Variants in SKAP1 observed in about 807,000 individuals in gnomAD.
SKAP1 encodes the protein src kinase-associated phosphoprotein 1.
Under a neutral mutation model 58.5 loss-of-function variants are expected in SKAP1, and 44 were observed. The ratio of observed to expected loss-of-function variants is 0.75; its 90% confidence interval spans 0.59 to 0.97. The LOEUF (loss-of-function observed/expected upper bound fraction) is 0.97. SKAP1 is among the 50% of genes least tolerant of loss of function. SKAP1 has a pLI of 0.00. For synonymous variants in SKAP1, 127 were observed against 149.7 expected, an observed-to-expected ratio of 0.85 and a Z score of 1.11; for missense variants, 390 against 435.2, an observed-to-expected ratio of 0.90 and a Z score of 0.92.
chr17:48,202,389 T>G (rs2064739769), intron 4 of SKAP1, among the ~76,000 whole-genome samples: 1 of 152,028 alleles, frequency 6.6e-6, no homozygotes, highest in African/African-American at 2.4e-5. Context: ...ATGTATTATC[T>G]CCTGGTCAAA....
At chr17:48,292,302 T>C (rs1353319341) in intron 4 of SKAP1, among the ~76,000 whole-genome samples, 1 of 152,136 alleles carries the variant, frequency 6.6e-6, no homozygotes, top group Non-Finnish European at 1.5e-5. Flanking sequence ...CGTTTAGTCA[T>C]TGATGTTAAC....
At chr17:48,397,241 G>C (rs933037170) in intron 1 of SKAP1, among the ~76,000 whole-genome samples, 5 of 152,024 alleles carry the variant, frequency 3.3e-5, no homozygotes, top group East Asian at 1.9e-4. Context: ...TTCTTTTAGG[G>C]GGGGGATGGA....
intron 4 of SKAP1, 27 bp downstream of exon 4, chr17:48,345,878 C>T: frequency 3.9e-6 from 6 of 1,521,136 alleles, no homozygotes; most frequent in Non-Finnish European, 5.5e-6. Flanking sequence ...ATGGTAGTCA[C>T]CCAAAATCCA....
intron 1 of SKAP1, among the ~76,000 whole-genome samples, chr17:48,429,732 C>T (rs1221109263): frequency 6.6e-6 from 1 of 152,036 alleles, no homozygotes; most frequent in African/African-American, 2.4e-5. Context: ...ACGGGAAACC[C>T]TACAGATGTA....
chr17:48,283,332 A>T (rs549020591), intron 4 of SKAP1, among the ~76,000 whole-genome samples: 1 of 152,222 alleles, frequency 6.6e-6, no homozygotes, highest in African/African-American at 2.4e-5. Context: ...AATAATAATA[A>T]AATTTAGATG....
chr17:48,314,615 TG>T (rs1263259148), intron 4 of SKAP1, among the ~76,000 whole-genome samples: 1 of 152,192 alleles, frequency 6.6e-6, no homozygotes, highest in Non-Finnish European at 1.5e-5. Flanking sequence ...TAACATTTTA[TG>T]GTGTCAATTG....
intron 1 of SKAP1, among the ~76,000 whole-genome samples, chr17:48,415,057 T>C (rs2067714933): frequency 6.6e-6 from 1 of 152,262 alleles, no homozygotes; most frequent in Non-Finnish European, 1.5e-5. Context: ...CAAGGGTTTT[T>C]GTTGATATAT....
intron 4 of SKAP1, among the ~76,000 whole-genome samples, chr17:48,313,015 A>T (rs1430230620): frequency 1.3e-5 from 2 of 152,186 alleles, no homozygotes; most frequent in Admixed American, 1.3e-4. Flanking sequence ...AGGAGGTATA[A>T]CTACTTTAAT....
At chr17:48,352,221 A>G (rs1386337436) in intron 3 of SKAP1, among the ~76,000 whole-genome samples, 1 of 152,172 alleles carries the variant, frequency 6.6e-6, no homozygotes, top group Non-Finnish European at 1.5e-5. Context: ...AGCAACAAAT[A>G]TAAACCAGAT....
intron 4 of SKAP1, among the ~76,000 whole-genome samples, chr17:48,288,980 A>T (rs992145257): frequency 6.6e-6 from 1 of 152,184 alleles, no homozygotes; most frequent in African/African-American, 2.4e-5. Context: ...TATGCCAACC[A>T]AATGGCAAAT....
chr17:48,185,566 C>A (rs766818542), intron 6 of SKAP1, among the ~76,000 whole-genome samples: 2 of 151,982 alleles, frequency 1.3e-5, no homozygotes, highest in Non-Finnish European at 2.9e-5. Context: ...AATTTTGTAT[C>A]CTCATTGTGT....
At chr17:48,361,529 G>A (rs1209037535) in intron 3 of SKAP1, among the ~76,000 whole-genome samples, 4 of 152,108 alleles carry the variant, frequency 2.6e-5, no homozygotes, top group Non-Finnish European at 4.4e-5. Flanking sequence ...TTTTTAAAAT[G>A]TGTGCTACTA....
chr17:48,172,492 TG>T (rs1395295006), intron 9 of SKAP1, among the ~76,000 whole-genome samples: 1 of 152,218 alleles, frequency 6.6e-6, no homozygotes, highest in Non-Finnish European at 1.5e-5. Context: ...TGGGGCAAAG[TG>T]AAGAAAAATA....
intron 4 of SKAP1, among the ~76,000 whole-genome samples, chr17:48,264,260 A>ACAAAATGTATACATATATATTTT (rs2065517924): frequency 6.6e-6 from 1 of 152,016 alleles, no homozygotes; most frequent in African/African-American, 2.4e-5. Flanking sequence ...ATACATATAT[A>ACAAAATGTATACATATATATTTT]TATACACACA....
chr17:48,228,236 ATCTT>A (rs1259439619), intron 4 of SKAP1, among the ~76,000 whole-genome samples: 1 of 152,108 alleles, frequency 6.6e-6, no homozygotes, highest in Non-Finnish European at 1.5e-5. Flanking sequence ...AGCATGAGAA[ATCTT>A]TCTAATACAC....
At chr17:48,363,838 AAG>A (rs1200845769) in intron 2 of SKAP1, 24 bp from the exon 3 acceptor site, 3 of 1,601,894 alleles carry the variant, frequency 1.9e-6, no homozygotes, top group Non-Finnish European at 2.6e-6. Flanking sequence ...GGGAAAAAAA[AAG>A]GGAATAAGTC....
intron 11 of SKAP1, among the ~76,000 whole-genome samples, chr17:48,159,018 C>A (rs1486465872): frequency 1.3e-5 from 2 of 151,408 alleles, no homozygotes; most frequent in Non-Finnish European, 2.9e-5. Flanking sequence ...ACGACTAAAG[C>A]TGCCATCCTC....
chr17:48,137,096 T>C, intron 12 of SKAP1, 133 bp downstream of exon 12: 2 of 572,950 alleles, frequency 3.5e-6, no homozygotes, highest in South Asian at 2.5e-5. Flanking sequence ...CCATCAGTGG[T>C]GAATCACTAG....
rs182470895 is a variant in SKAP1, at chr17:48,376,831, T to C, written c.153-13017A>G. Among the ~76,000 whole-genome samples, 6 of 152,260 alleles carry C rather than the reference T, an allele frequency of 3.9e-5. No individual in the cohort carries two copies. The East Asian group carries it at 1.2e-3, about 29-fold the overall frequency. On this transcript the variant is annotated intron_variant, in intron 2 of 12. Coordinates refer to ENST00000336915, the MANE Select transcript of SKAP1 (RefSeq NM_003726.4). The stretch of plus-strand genomic sequence containing the variant: ...CCCAGAACATGCAAATGGTAAAAAC[T>C]GGGACCAGAAGAACCCATGTCTGAC...
Sources: allele counts gnomAD v4.1 joint callset (sites outside exome capture counted in the v4.1 genomes callset), GRCh38; gene constraint gnomAD v4.1.1; transcripts MANE v1.5; gene names NCBI Gene and HGNC (gene_info 2026-07-23, HGNC 2026-07-21).